Variants in KIRREL3 observed in about 807,000 individuals in gnomAD.
KIRREL3 encodes kin of IRRE-like protein 3.
KIRREL3 carries 36 observed loss-of-function variants against 89.7 expected under a neutral mutation model. That is an observed-to-expected ratio of 0.40 (90% CI 0.31 to 0.53). KIRREL3 has a LOEUF of 0.53. Among genes scored for constraint, KIRREL3 ranks in the 20% least tolerant of loss-of-function variants. The probability of loss-of-function intolerance (pLI) is 0.49; values close to 1 mark genes in which losing one functional copy is unlikely to be tolerated. For missense variants in KIRREL3, 864 were observed against 1,056.6 expected (o/e 0.82, Z 2.53); for synonymous variants, 445 against 441.4 (o/e 1.01, Z -0.10).
intron 1 of KIRREL3, among the ~76,000 whole-genome samples, chr11:126,856,116 G>T (rs1257578041): frequency 3.3e-5 from 5 of 152,142 alleles, no homozygotes; most frequent in African/African-American, 1.2e-4. Flanking sequence ...AACACTTTGT[G>T]GGGTATGTGT....
rs1351484196 is a variant in KIRREL3 at position 126,579,978 on chromosome 11, T to C, written c.56-17066A>G. Among the ~76,000 whole-genome samples the C allele has an allele frequency of 2.6e-5, 4 of 152,012 alleles. No homozygotes were observed. Among genetic ancestry groups the C allele is most frequent in the Non-Finnish European group, 5.9e-5 (4 of 67,992 alleles). ...CTCCTGCCTCAGCCTCCCGAGTAGC[T>C]GGGACTATAGGCGCCCGCCACCATG... On this transcript the variant is annotated intron_variant, in intron 1 of 16. Coordinates refer to ENST00000525144, the MANE Select transcript of KIRREL3 (RefSeq NM_032531.4). The surrounding 1 kb of genome is among the most constrained non-coding windows in gnomAD (Gnocchi z 5.3).
intron 1 of KIRREL3, among the ~76,000 whole-genome samples, chr11:126,839,252 G>T (rs1592204071): frequency 6.6e-6 from 1 of 152,162 alleles, no homozygotes; most frequent in African/African-American, 2.4e-5. Context: ...AGCAATACTG[G>T]GGTGAAGGCA....
intron 8 of KIRREL3, 133 bp from the exon 9 acceptor site, chr11:126,447,019 C>T (rs1371829170): frequency 6.3e-6 from 7 of 1,119,226 alleles, no homozygotes; most frequent in East Asian, 2.6e-5. Flanking sequence ...CCACCTCAGT[C>T]GCTTCCATTT....
rs1940536371 is a variant in KIRREL3 at position 126,566,571 on chromosome 11, G to A, written c.56-3659C>T. 6.6e-6 allele frequency among the ~76,000 whole-genome samples: 1 copy of A among 152,352 alleles called. No homozygotes were observed. Among genetic ancestry groups the A allele is most frequent in the South Asian group, 2.1e-4 (1 of 4,828 alleles). On this transcript the variant is annotated intron_variant, in intron 1 of 16. Coordinates refer to ENST00000525144, the MANE Select transcript of KIRREL3 (RefSeq NM_032531.4). The surrounding 1 kb of genome is among the most constrained non-coding windows in gnomAD (Gnocchi z 4.9). The stretch of plus-strand genomic sequence containing the variant: ...GCACAATGGGTTTAGGTTAGCAGAG[G>A]TTGGTTGTAGAGTGAATGAAACTTG...
Position 126,431,525 on chromosome 11 carries a change from C to T in KIRREL3, c.1590G>A (p.Glu530=), listed in dbSNP as rs1955128217. Residue 530 remains glutamate (E), a splice_region_variant and synonymous_variant, in exon 14 of 17, where the codon GAG becomes GAA. Transcript: ENST00000525144. The surrounding 1 kb of genome is among the most constrained non-coding windows in gnomAD (Gnocchi z 7.1). ...CAATGATGACGGCCATCGGCACAGA[C>T]TCTGTGGGAGAGAAGCGGGCACAGC... ...EMKSGAGLEA[E]SVPMAVIIGV... is the part of the protein sequence containing the mutation. 2.5e-6 allele frequency: 4 copies of T among 1,613,558 alleles called. No homozygotes were observed. In the South Asian group the frequency reaches 3.3e-5, roughly 13 times the overall value.
intron 1 of KIRREL3, among the ~76,000 whole-genome samples, chr11:126,659,079 A>C (rs1169203012): frequency 6.6e-6 from 1 of 152,164 alleles, no homozygotes; most frequent in Non-Finnish European, 1.5e-5. Flanking sequence ...TCTAGTCTAA[A>C]CCACTTCTTA....
rs1385750082 is a variant in KIRREL3, at chr11:126,694,128, A to G, written c.56-131216T>C. ...AGATGGGAGCATGGGCTCCATCCCT[A>G]AGGGAGCCACATTCGTTTTTTTTCC... On this transcript the variant is annotated intron_variant, in intron 1 of 16. Coordinates refer to ENST00000525144, the MANE Select transcript of KIRREL3 (RefSeq NM_032531.4). The surrounding 1 kb of genome is among the most constrained non-coding windows in gnomAD (Gnocchi z 4.4). Among the ~76,000 whole-genome samples, 1 of 152,248 alleles carries G rather than the reference A, an allele frequency of 6.6e-6. No individual in the cohort carries two copies. The highest frequency in any genetic ancestry group is 2.4e-5 in the African/African-American group (1 of 41,476).
rs1329700359 is a variant in KIRREL3 at position 126,520,178 on chromosome 11, C to A, written c.433+1137G>T. On this transcript the variant is annotated intron_variant, in intron 4 of 16. Coordinates refer to ENST00000525144, the MANE Select transcript of KIRREL3 (RefSeq NM_032531.4). The surrounding 1 kb of genome is among the most constrained non-coding windows in gnomAD (Gnocchi z 4.9). ...TAACCTGACATGCTTTTAAATATTT[C>A]ATCTCTGAGCAGCTGTGTGCTTTAG... Among the ~76,000 whole-genome samples, 1 of 152,184 alleles carries A rather than the reference C, an allele frequency of 6.6e-6. No homozygotes were observed. Among genetic ancestry groups the A allele is most frequent in the Non-Finnish European group, 1.5e-5 (1 of 68,040 alleles).
chr11:126,885,241 G>C (rs6590233), intron 1 of KIRREL3, among the ~76,000 whole-genome samples: 95,722 of 152,020 alleles, frequency 0.63, 32,101 homozygotes, highest in African/African-American at 0.87. Flanking sequence ...AAGTCAAGAT[G>C]TTTCAAGTGT....
intron 1 of KIRREL3, among the ~76,000 whole-genome samples, chr11:126,673,032 T>C (rs73629202): frequency 0.016 from 2,450 of 152,300 alleles, 82 homozygotes; most frequent in African/African-American, 0.055. Flanking sequence ...GGGGAAAATA[T>C]TAAAGACAGA....
At chr11:126,823,015 A>G (rs10750345) in intron 1 of KIRREL3, among the ~76,000 whole-genome samples, 131,323 of 152,070 alleles carry the variant, frequency 0.86, 57,051 homozygotes, top group East Asian at 1. Context: ...AGTATCTCCA[A>G]TCCACCACTC....
chr11:126,863,808 G>A (rs1944830885), intron 1 of KIRREL3, among the ~76,000 whole-genome samples: 2 of 152,232 alleles, frequency 1.3e-5, no homozygotes, highest in South Asian at 4.1e-4. Context: ...CAGGCTTCTG[G>A]GGAACCCCAA....
intron 1 of KIRREL3, among the ~76,000 whole-genome samples, chr11:126,928,596 G>T (rs1592386223): frequency 6.6e-6 from 1 of 152,346 alleles, no homozygotes; most frequent in South Asian, 2.1e-4. Context: ...GAAAAGGCAG[G>T]ACTGGGGCTA....
In KIRREL3 at chr11:126,484,335, G is replaced by A. The variant is rs757836217; in HGVS notation, c.434-10869C>T. On this transcript the variant is annotated intron_variant, in intron 4 of 16. Coordinates refer to ENST00000525144, the MANE Select transcript of KIRREL3 (RefSeq NM_032531.4). This position sits in a 1 kb window ranked among gnomAD's most constrained non-coding sequence, Gnocchi z 5.2. ...CCTTGGATGCAGTCATAAAAAAACA[G>A]CACCAATAATATGAATAATAGCTAA... 6.6e-6 allele frequency among the ~76,000 whole-genome samples: 1 copy of A among 152,144 alleles called. No homozygotes were observed. Among genetic ancestry groups the A allele is most frequent in the Non-Finnish European group, 1.5e-5 (1 of 68,032 alleles).
At chr11:126,451,096 T>C (rs1956098927) in intron 7 of KIRREL3, among the ~76,000 whole-genome samples, 1 of 146,724 alleles carries the variant, frequency 6.8e-6, no homozygotes. Context: ...TGCATATGTG[T>C]CCATGTGCAT....
At chr11:126,974,740 C>G (rs1949522139) in intron 1 of KIRREL3, among the ~76,000 whole-genome samples, 2 of 152,146 alleles carry the variant, frequency 1.3e-5, no homozygotes, top group Admixed American at 6.5e-5. Flanking sequence ...AGGTTTGGCT[C>G]TATCACCCAA....
Position 126,773,227 on chromosome 11 carries a change from T to G in KIRREL3, c.56-210315A>C, listed in dbSNP as rs201144860. Among the ~76,000 whole-genome samples the G allele has an allele frequency of 1.9e-4, 29 of 152,314 alleles. No individual in the cohort carries two copies. In the East Asian group the frequency reaches 5.6e-3, roughly 29 times the overall value. ...TTGTCAAACATTCTGGATGTTTCTG[T>G]GAAGGTGTTTCAGGATGAGGTTAAC... On this transcript the variant is annotated intron_variant, in intron 1 of 16. Coordinates refer to ENST00000525144, the MANE Select transcript of KIRREL3 (RefSeq NM_032531.4). The surrounding 1 kb of genome is among the most constrained non-coding windows in gnomAD (Gnocchi z 4.2).
intron 9 of KIRREL3, among the ~76,000 whole-genome samples, chr11:126,445,631 C>T (rs1398070254): frequency 6.6e-6 from 1 of 152,236 alleles, no homozygotes; most frequent in Admixed American, 6.5e-5. Context: ...CCGGCTCCAG[C>T]AGTGAACACC....
chr11:126,424,983 T>G lies in KIRREL3; in HGVS notation c.1934A>C (p.Glu645Ala). 1 of 1,567,228 alleles carries G rather than the reference T, an allele frequency of 6.4e-7. No homozygotes were observed. The highest frequency in any genetic ancestry group is 1.2e-5 in the South Asian group (1 of 82,396). Residue 645 changes from glutamate to alanine, a missense_variant, in exon 17 of 17, where the codon GAG becomes GCG. Physicochemically the swap from Glu to Ala is moderately radical, Grantham distance 107 (BLOSUM62 -1). Coordinates refer to ENST00000525144, the MANE Select transcript of KIRREL3 (RefSeq NM_032531.4). ...GGAGATGGTCGGGGTTGAGTGGTGC[T>G]CTTTGAAGGTGTTGACGCTGTAGTA... Reference protein sequence around the residue: ...NGYYSVNTFKEHHSTPTISLS... With the variant: ...NGYYSVNTFKAHHSTPTISLS...
Sources: allele counts gnomAD v4.1 joint callset (sites outside exome capture counted in the v4.1 genomes callset), GRCh38; gene constraint gnomAD v4.1.1; non-coding constraint Gnocchi (gnomAD v3.1); transcripts MANE v1.5; gene names NCBI Gene and HGNC (gene_info 2026-07-23, HGNC 2026-07-21).